FBXL13: variants seen among roughly 807,000 people sequenced by gnomAD.
The protein encoded by FBXL13 is F-box and leucine-rich repeat protein 13.
In FBXL13, 67 loss-of-function variants were observed where a neutral mutation model predicts 83.6. The ratio of observed to expected loss-of-function variants is 0.80; its 90% CI spans 0.66 to 0.98. FBXL13 has a LOEUF of 0.98. FBXL13 is among the 50% of genes least tolerant of loss of function. FBXL13 has a pLI of 0.00. For missense variants in FBXL13, 822 were observed against 866.5 expected, an observed-to-expected ratio of 0.95 and a Z score of 0.64; for synonymous variants, 272 against 299.5, an observed-to-expected ratio of 0.91 and a Z score of 0.95.
At chr7:102,828,128 T>G (rs914811883) in intron 18 of FBXL13, among the ~76,000 whole-genome samples, 1 of 152,190 alleles carries the variant, frequency 6.6e-6, no homozygotes, top group African/African-American at 2.4e-5. Context: ...AGAAAGTAAT[T>G]GGTAGCTTGA....
chr7:102,824,785 CTTTTTT>C (rs57237364), intron 18 of FBXL13, among the ~76,000 whole-genome samples: 4 of 124,116 alleles, frequency 3.2e-5, no homozygotes, highest in African/African-American at 1.2e-4. Context: ...CATGCCCGGC[CTTTTTT>C]TTTTTTTTTT....
chr7:102,977,946 G>A (rs1827707759), intron 6 of FBXL13, among the ~76,000 whole-genome samples: 1 of 152,124 alleles, frequency 6.6e-6, no homozygotes, highest in Non-Finnish European at 1.5e-5. Flanking sequence ...GGGGCCTGTT[G>A]TGGGGTGGGG....
intron 16 of FBXL13, among the ~76,000 whole-genome samples, chr7:102,855,503 A>G (rs765419141): frequency 4.6e-5 from 7 of 152,130 alleles, no homozygotes; most frequent in Non-Finnish European, 1.0e-4. Flanking sequence ...TACTGGCACA[A>G]CACTCAGATA....
At chr7:102,816,524 C>T (rs1798023184) in intron 19 of FBXL13, among the ~76,000 whole-genome samples, 1 of 152,098 alleles carries the variant, frequency 6.6e-6, no homozygotes, top group Non-Finnish European at 1.5e-5. Context: ...AGGACCTTGC[C>T]AAGAGAAGAG....
chr7:103,037,846 T>C (rs1055343384), intron 2 of FBXL13, among the ~76,000 whole-genome samples: 2 of 152,032 alleles, frequency 1.3e-5, no homozygotes, highest in Non-Finnish European at 2.9e-5. Context: ...GATGGCCGAA[T>C]AGAAACAGCT....
chr7:102,904,935 C>T (rs1287883864), intron 11 of FBXL13, among the ~76,000 whole-genome samples: 1 of 152,030 alleles, frequency 6.6e-6, no homozygotes, highest in East Asian at 1.9e-4. Context: ...ATTCTACTTG[C>T]TATTAATTTC....
rs557328980 is a variant in FBXL13, at chr7:102,984,084, T to C, written c.496-15967A>G. ...CTCCTTGCTTCTTATAAGTGGTTGATTGGGAACATCCAATGGAGATATTTG... is the reference window on the plus strand; with the variant it reads ...CTCCTTGCTTCTTATAAGTGGTTGACTGGGAACATCCAATGGAGATATTTG... On this transcript the variant is annotated intron_variant, in intron 6 of 19. Coordinates refer to ENST00000313221, the Ensembl canonical transcript of FBXL13. Among the ~76,000 whole-genome samples, 7 of 152,308 alleles carry C rather than the reference T, an allele frequency of 4.6e-5. No individual in the cohort carries two copies. In the South Asian group the frequency reaches 6.2e-4, roughly 14 times the overall value.
chr7:103,001,108 TTC>T (rs869262934), intron 6 of FBXL13, among the ~76,000 whole-genome samples: 1,782 of 146,914 alleles, frequency 0.012, 16 homozygotes, highest in Non-Finnish European at 0.021. Flanking sequence ...CCACACCCAG[TTC>T]TATATATATA....
At chr7:103,034,465 C>G (rs976627905) in intron 2 of FBXL13, among the ~76,000 whole-genome samples, 2 of 152,196 alleles carry the variant, frequency 1.3e-5, no homozygotes, top group Non-Finnish European at 2.9e-5. Flanking sequence ...CCTCACTGCC[C>G]GGGGCCAGTG....
At chr7:102,950,919 T>C (rs1315847673) in intron 8 of FBXL13, among the ~76,000 whole-genome samples, 1 of 152,116 alleles carries the variant, frequency 6.6e-6, no homozygotes, top group Admixed American at 6.6e-5. Flanking sequence ...AGCACAATAT[T>C]ATAATGGTAA....
intron 8 of FBXL13, among the ~76,000 whole-genome samples, chr7:102,955,575 CA>C (rs546125880): frequency 6.7e-6 from 1 of 148,188 alleles, no homozygotes; most frequent in Non-Finnish European, 1.5e-5. Flanking sequence ...AAAAACCATT[CA>C]AAAAAAAACA....
At chr7:102,817,570 T>G (rs1013935289) in intron 19 of FBXL13, among the ~76,000 whole-genome samples, 1 of 152,218 alleles carries the variant, frequency 6.6e-6, no homozygotes, top group Non-Finnish European at 1.5e-5. Context: ...GATAGTTTCT[T>G]TTGCTGTGCA....
chr7:102,966,061 G>A (rs1042495116), intron 7 of FBXL13, among the ~76,000 whole-genome samples: 5 of 152,172 alleles, frequency 3.3e-5, no homozygotes, highest in Non-Finnish European at 5.9e-5. Context: ...ACATCTTTAC[G>A]TCGCATCTGG....
chr7:102,959,329 TTCTA>T (rs144593088), intron 8 of FBXL13, among the ~76,000 whole-genome samples: 3,248 of 152,260 alleles, frequency 0.021, 55 homozygotes, highest in Non-Finnish European at 0.031. Flanking sequence ...TTCCATTAAA[TTCTA>T]TCTATTTGCA....
chr7:102,981,933 G>T (rs372213872), intron 6 of FBXL13, among the ~76,000 whole-genome samples: 1 of 152,124 alleles, frequency 6.6e-6, no homozygotes, highest in Admixed American at 6.5e-5. Context: ...GACTATACAG[G>T]TCCAAATGGG....
chr7:102,847,992 C>T (rs553553338), intron 17 of FBXL13, among the ~76,000 whole-genome samples: 1 of 152,222 alleles, frequency 6.6e-6, no homozygotes, highest in East Asian at 1.9e-4. Flanking sequence ...AAGGTGTATA[C>T]ATATATTTAA....
exon 2 of FBXL13, chr7:103,055,725 A>G (rs1033233236): frequency 2.3e-6 from 3 of 1,283,070 alleles, no homozygotes; most frequent in Admixed American, 4.7e-5. Context: ...AGGACATGTA[A>G]CAAGTATACC....
At chr7:102,823,948 GA>G (rs1240154053) in intron 18 of FBXL13, among the ~76,000 whole-genome samples, 15 of 151,734 alleles carry the variant, frequency 9.9e-5, no homozygotes, top group African/African-American at 3.6e-4. Flanking sequence ...TGATGTCATT[GA>G]TAAAAGAAAA....
At chr7:102,931,893 G>A in exon 9 of FBXL13, 1 of 1,613,322 alleles carries the variant, frequency 6.2e-7, no homozygotes, top group Non-Finnish European at 8.5e-7. Flanking sequence ...TGAATGTTGG[G>A]CAGTCAGAGA....
Sources: allele counts gnomAD v4.1 joint callset (sites outside exome capture counted in the v4.1 genomes callset), GRCh38; gene constraint gnomAD v4.1.1; transcripts MANE v1.5; gene names NCBI Gene and HGNC (gene_info 2026-07-23, HGNC 2026-07-21).